Variants in EPB41L5 observed in about 807,000 individuals in gnomAD.
EPB41L5 encodes erythrocyte membrane protein band 4.1 like 5, also known as band 4.1-like protein 5.
EPB41L5 carries 55 observed loss-of-function variants against 106.6 expected under a neutral mutation model. The observed-to-expected ratio is 0.52, with a 90% CI of 0.42 to 0.65. The LOEUF (loss-of-function observed/expected upper bound fraction) is 0.65, where lower values mean the gene tolerates loss of function less well. EPB41L5 is among the 30% of genes least tolerant of loss of function. The pLI, the probability that EPB41L5 is intolerant of heterozygous loss-of-function variation, is 0.00. For missense variants in EPB41L5, 871 were observed against 882.1 expected (o/e 0.99, Z 0.16); for synonymous variants, 297 against 306.7 (o/e 0.97, Z 0.33).
chr2:120,113,386 G>A (rs1684808068), intron 16 of EPB41L5, among the ~76,000 whole-genome samples: 1 of 152,180 alleles, frequency 6.6e-6, no homozygotes, highest in Admixed American at 6.5e-5. Flanking sequence ...AAGGAAAACT[G>A]CTTCAGTTTA....
chr2:120,104,326 T>A, intron 16 of EPB41L5: 3 of 1,443,416 alleles, frequency 2.1e-6, no homozygotes, highest in Non-Finnish European at 2.7e-6. Flanking sequence ...TTAATCACAT[T>A]AGGAGTATTT....
Position 120,164,892 on chromosome 2 carries a change from T to C in EPB41L5, c.1944T>C (p.Asp648=). ...LLASLTENLI[D]HTVAPQVSST... ...CATCTCTAACTGAGAATCTAATTGA[T>C]CACACAGTTGCACCTCAGGTAAATA... Residue 648 remains aspartate (D), a synonymous_variant, in exon 22 of 25, where the codon GAT becomes GAC. Coordinates refer to ENST00000263713, the MANE Select transcript of EPB41L5 (RefSeq NM_020909.4). The C allele has an allele frequency of 6.2e-7, 1 of 1,610,708 alleles. No individual in the cohort carries two copies. The highest frequency in any genetic ancestry group is 8.5e-7 in the Non-Finnish European group (1 of 1,178,390).
chr2:120,066,447 A>C (rs1681449758), intron 3 of EPB41L5, among the ~76,000 whole-genome samples: 2 of 152,214 alleles, frequency 1.3e-5, no homozygotes, highest in Admixed American at 6.5e-5. Context: ...TCAAATTCTT[A>C]AGTATTTGCT....
chr2:120,040,736 T>C (rs1363741533), intron 2 of EPB41L5, among the ~76,000 whole-genome samples: 3 of 152,004 alleles, frequency 2.0e-5, no homozygotes, highest in African/African-American at 7.3e-5. Context: ...TTGATGGGAA[T>C]TGGGTGGAGG....
chr2:120,127,962 T>G, intron 17 of EPB41L5, 111 bp downstream of exon 17: 1 of 1,008,456 alleles, frequency 9.9e-7, no homozygotes, highest in Non-Finnish European at 1.4e-6. Context: ...AACTTTTAAA[T>G]TTAATTCAGA....
intron 16 of EPB41L5, among the ~76,000 whole-genome samples, chr2:120,120,828 A>C (rs927801829): frequency 6.6e-6 from 1 of 152,208 alleles, no homozygotes; most frequent in Admixed American, 6.5e-5. Context: ...AATTAAAATT[A>C]TTTTAGGCCA....
intron 18 of EPB41L5, among the ~76,000 whole-genome samples, chr2:120,140,906 A>G (rs989694703): frequency 1.3e-5 from 2 of 152,120 alleles, no homozygotes; most frequent in African/African-American, 4.8e-5. Context: ...TGGCCTGACT[A>G]AAGTAATTTT....
At chr2:120,104,464 G>T (rs1278436815) in intron 16 of EPB41L5, 2 of 1,287,020 alleles carry the variant, frequency 1.6e-6, no homozygotes, top group Non-Finnish European at 2.0e-6. Context: ...GTTGAAAAGA[G>T]TGTGTATACC....
intron 20 of EPB41L5, among the ~76,000 whole-genome samples, chr2:120,151,679 C>T (rs529701626): frequency 3.0e-4 from 44 of 147,668 alleles, no homozygotes; most frequent in South Asian, 6.4e-4. Flanking sequence ...TGCAATGGCG[C>T]GATTTTGGTT....
chr2:120,044,701 G>C (rs1258660511), intron 3 of EPB41L5, among the ~76,000 whole-genome samples: 1 of 152,038 alleles, frequency 6.6e-6, no homozygotes, highest in Non-Finnish European at 1.5e-5. Context: ...TCTCTCATTT[G>C]ATACACATAT....
chr2:120,158,016 C>T (rs942876971), intron 20 of EPB41L5, among the ~76,000 whole-genome samples: 36 of 152,122 alleles, frequency 2.4e-4, no homozygotes, highest in African/African-American at 7.2e-4. Flanking sequence ...TTAATAAATT[C>T]CTGGACACAC....
intron 3 of EPB41L5, among the ~76,000 whole-genome samples, chr2:120,060,204 A>C (rs76081491): frequency 0.046 from 6,999 of 152,320 alleles, 231 homozygotes; most frequent in Non-Finnish European, 0.071. Context: ...ATAATCTGGC[A>C]GTTTCTTTTA....
At position 120,176,865 on chromosome 2, in the gene EPB41L5, TA is replaced by T. The variant is rs1202500605; in HGVS notation, c.*1962del. 6.6e-6 allele frequency: 1 copy of T among 152,230 alleles called. No homozygotes were observed. The highest frequency in any genetic ancestry group is 1.5e-5 in the Non-Finnish European group (1 of 68,044). The allele number at this position is 152,230 out of a possible 1,614,324, so 9.4% of individuals were successfully genotyped here. ...GACAACATCCTTATTTTAAACTTCC[TA>T]AAATTAGGAATTAGGTAGTTGGACA... On this transcript the variant is annotated 3_prime_UTR_variant, in exon 25 of 25. Coordinates refer to ENST00000263713, the MANE Select transcript of EPB41L5 (RefSeq NM_020909.4).
chr2:120,102,746 A>G (rs2105403428), intron 16 of EPB41L5, among the ~76,000 whole-genome samples: 1 of 152,302 alleles, frequency 6.6e-6, no homozygotes, highest in Middle Eastern at 3.4e-3. Context: ...CTTTTAAATG[A>G]CACCATTATT....
chr2:120,024,142 C>G (rs971180475), intron 2 of EPB41L5, among the ~76,000 whole-genome samples: 1 of 152,168 alleles, frequency 6.6e-6, no homozygotes, highest in Admixed American at 6.5e-5. Flanking sequence ...ATTTGACTTC[C>G]TCTCTTCCCA....
At chr2:120,059,152 C>T (rs956300479) in intron 3 of EPB41L5, among the ~76,000 whole-genome samples, 3 of 152,174 alleles carry the variant, frequency 2.0e-5, no homozygotes, top group Non-Finnish European at 4.4e-5. Context: ...AATATGACCT[C>T]TGATTTTTGT....
intron 21 of EPB41L5, 106 bp downstream of exon 21, chr2:120,161,080 A>G: frequency 2.5e-6 from 2 of 797,496 alleles, no homozygotes; most frequent in South Asian, 3.0e-5. Context: ...ACTGGGACTT[A>G]AGATGTGAGA....
rs545456559 is a variant in EPB41L5 at position 120,014,424 on chromosome 2, G to T, written c.-9+1214G>T. ...AGATGCGGGTTAAGCCAGCTGTTGG[G>T]CCAAAGTAGTGAACAAGCCAGACGA... On this transcript the variant is annotated intron_variant, in intron 1 of 24. Coordinates refer to ENST00000263713, the MANE Select transcript of EPB41L5 (RefSeq NM_020909.4). 3.3e-5 allele frequency among the ~76,000 whole-genome samples: 5 copies of T among 152,292 alleles called. No individual in the cohort carries two copies. In the South Asian group the frequency reaches 1.0e-3, roughly 32 times the overall value.
intron 3 of EPB41L5, among the ~76,000 whole-genome samples, chr2:120,050,302 A>T (rs1680140817): frequency 6.6e-6 from 1 of 152,162 alleles, no homozygotes; most frequent in African/African-American, 2.4e-5. Context: ...CAGGTACACC[A>T]ATCAGACATA....
Sources: allele counts gnomAD v4.1 joint callset (sites outside exome capture counted in the v4.1 genomes callset), GRCh38; gene constraint gnomAD v4.1.1; transcripts MANE v1.5; gene names NCBI Gene and HGNC (gene_info 2026-07-23, HGNC 2026-07-21).